CUL9: variants seen among roughly 807,000 people sequenced by gnomAD.
The protein encoded by CUL9 is cullin 9.
In CUL9, 79 loss-of-function variants were observed where a neutral mutation model predicts 272.6. The ratio of observed to expected loss-of-function variants is 0.29; its 90% CI spans 0.24 to 0.35. The LOEUF is 0.35. Ranked by LOEUF, CUL9 falls within the 10% of genes least tolerant of loss-of-function variation. The pLI, the probability that CUL9 is intolerant of heterozygous loss-of-function variation, is 1.00. For synonymous variants in CUL9, 1,186 were observed against 1,286.5 expected (o/e 0.92, Z 1.67); for missense variants, 2,532 against 3,255.6 (o/e 0.78, Z 5.41).
Position 43,199,276 on chromosome 6 carries a change from C to T in CUL9, c.3061C>T (p.Arg1021Ter). The stretch of plus-strand genomic sequence containing the variant: ...CTACCCCCTCACCAGGGTCATAACC[C>T]GACTGCTGGATTTCCCTGAGGCAAT... ...LLLSVLRVIT[R>*]LLDFPEAMVL... Residue 1021 changes from arginine (R) to a stop codon, truncating the protein, a stop_gained, in exon 13 of 41, where the codon CGA becomes TGA. Transcript: ENST00000252050. LOFTEE classifies it high-confidence loss of function. This position sits in a 1 kb window ranked among gnomAD's most constrained non-coding sequence, Gnocchi z 4.4. The T allele has an allele frequency of 6.2e-7, 1 of 1,613,128 alleles. No individual in the cohort carries two copies. The highest frequency in any genetic ancestry group is 8.5e-7 in the Non-Finnish European group (1 of 1,179,402).
chr6:43,201,053 A>C (rs1191369653), intron 16 of CUL9, among the ~76,000 whole-genome samples: 1 of 152,226 alleles, frequency 6.6e-6, no homozygotes, highest in African/African-American at 2.4e-5. Context: ...TACAGATGGC[A>C]CTGCCCTGTG....
At chr6:43,222,955 C>T (rs1374622391) in intron 38 of CUL9, 59 bp downstream of exon 38, 11 of 1,436,858 alleles carry the variant, frequency 7.7e-6, no homozygotes, top group East Asian at 6.8e-5. Flanking sequence ...TTGCACAGCC[C>T]GGCCCCTCCC....
Position 43,206,574 on chromosome 6 carries a change from G to A in CUL9, c.5212+64G>A. ...GATTCGGGGTGGCAAGAGAGGAAGA[G>A]GAGAGGACCTTTGGACAGGATATAG... On this transcript the variant is annotated intron_variant, in intron 26 of 40. Transcript: ENST00000252050. The surrounding 1 kb of genome is among the most constrained non-coding windows in gnomAD (Gnocchi z 4.8). 1 of 1,493,590 alleles carries A rather than the reference G, an allele frequency of 6.7e-7. No individual in the cohort carries two copies. The highest frequency in any genetic ancestry group is 2.3e-5 in the East Asian group (1 of 44,224). The allele number at this position is 1,493,590 out of a possible 1,614,324, so 92.5% of individuals were successfully genotyped here.
rs1325006948 is a variant in CUL9 at position 43,199,896 on chromosome 6, C to G, written c.3157-33C>G. On this transcript the variant is annotated intron_variant, in intron 13 of 40. Coordinates refer to ENST00000252050, the MANE Select transcript of CUL9 (RefSeq NM_015089.4). The surrounding 1 kb of genome is among the most constrained non-coding windows in gnomAD (Gnocchi z 4.4). ...TCCTTACATGTCCTACCTCTTGTTT[C>G]CTGTAAATTAATCTATGTGGCTCTG... The G allele has an allele frequency of 6.5e-7, 1 of 1,545,000 alleles. No homozygotes were observed. The highest frequency in any genetic ancestry group is 2.3e-5 in the East Asian group (1 of 44,372).
rs751355184 is a variant in CUL9, at chr6:43,193,089, C to G, written c.2269C>G (p.Leu757Val). ...VVVQALRLLY[L>V]LMTKHEWRPL... ...CGTGCAGGCCCTGCGCCTCCTTTACCTGCTCATGACCAAGCACGAGTGGCG... is the reference window on the plus strand; with the variant it reads ...CGTGCAGGCCCTGCGCCTCCTTTACGTGCTCATGACCAAGCACGAGTGGCG... The change falls in exon 9 of 41, where the codon CTG becomes GTG. Residue 757 changes from leucine (L) to valine (V), a missense_variant. Leu to Val is a conservative substitution (Grantham distance 32). Around this residue, in one of 3 missense-constraint regions of CUL9, gnomAD observed 2,218 missense variants for 2,788.6 expected, o/e 0.80. Transcript: ENST00000252050. The G allele has an allele frequency of 1.9e-6, 3 of 1,614,214 alleles. No homozygotes were observed. Among genetic ancestry groups the G allele is most frequent in the African/African-American group, 1.3e-5 (1 of 75,052 alleles).
intron 7 of CUL9, 155 bp downstream of exon 7, chr6:43,188,273 C>A: frequency 2.1e-6 from 2 of 942,102 alleles, no homozygotes; most frequent in Non-Finnish European, 1.5e-6. Context: ...TCCTTTTGAC[C>A]TTGATTGTAT....
intron 1 of CUL9, among the ~76,000 whole-genome samples, chr6:43,183,462 C>CT (rs1227796950): frequency 5.3e-5 from 8 of 152,170 alleles, no homozygotes; most frequent in Non-Finnish European, 2.9e-5. Context: ...CAGCTTTACT[C>CT]TGTCATTTAT....
At chr6:43,185,902 G>C in intron 3 of CUL9, 53 bp from the exon 4 acceptor site, 3 of 1,537,022 alleles carry the variant, frequency 2.0e-6, no homozygotes, top group Non-Finnish European at 2.6e-6. Context: ...CAGGGAAGGG[G>C]AGAGGCTAAA....
Position 43,213,500 on chromosome 6 carries a change from A to G in CUL9, c.5421A>G (p.Ala1807=). Residue 1807 remains alanine (A), a synonymous_variant, in exon 28 of 41, where the codon GCA becomes GCG. Coordinates refer to ENST00000252050, the MANE Select transcript of CUL9 (RefSeq NM_015089.4). The surrounding 1 kb of genome is among the most constrained non-coding windows in gnomAD (Gnocchi z 5.7). ...TCTCCCCAGAGCTGCTGCTCCAGGC[A>G]CTCGTGCCCCTCACCTCAGGGAATG... ...SDLSPELLLQ[A]LVPLTSGNGP... 1 of 1,611,660 alleles carries G rather than the reference A, an allele frequency of 6.2e-7. No individual in the cohort carries two copies. The highest frequency in any genetic ancestry group is 1.1e-5 in the South Asian group (1 of 90,966).
At chr6:43,210,226 C>T (rs1200245869) in intron 26 of CUL9, among the ~76,000 whole-genome samples, 6 of 152,106 alleles carry the variant, frequency 3.9e-5, no homozygotes, top group Admixed American at 3.9e-4. Context: ...AACTGCCCAC[C>T]TTGGCCTGCC....
rs981998094 is a variant in CUL9, at chr6:43,222,241, G to A, written c.6847-75G>A. The A allele has an allele frequency of 3.3e-6, 4 of 1,218,148 alleles. No individual in the cohort carries two copies. In the African/African-American group the frequency reaches 4.5e-5, roughly 14 times the overall value. The allele number at this position is 1,218,148 out of a possible 1,614,324, so 75.5% of individuals were successfully genotyped here. On this transcript the variant is annotated intron_variant, in intron 35 of 40. Transcript: ENST00000252050. ...GAGGTGTAGAAAGGCCTCCGTGAAT[G>A]TTGGCTTTTCCACTTATTAACTCCC...
At position 43,198,664 on chromosome 6, in the gene CUL9, A is replaced by T. The variant is rs760910116; in HGVS notation, c.2859A>T (p.Arg953=). The T allele has an allele frequency of 5.0e-6, 8 of 1,613,802 alleles. No individual in the cohort carries two copies. The South Asian group carries it at 8.8e-5, about 18-fold the overall frequency. The change falls in exon 12 of 41, where the codon CGA becomes CGT. Residue 953 remains arginine, a synonymous_variant. Coordinates refer to ENST00000252050, the MANE Select transcript of CUL9 (RefSeq NM_015089.4). ...ATGGGTCCCCTGAGCTACTGATTCG[A>T]TCCCTGGTTGGGGGCCCATCTGCAG... is the stretch of plus-strand genomic sequence containing the variant. The part of the protein sequence containing the change: ...GQDGSPELLI[R]SLVGGPSAEL...
At position 43,184,220 on chromosome 6, in the gene CUL9, C is replaced by G. The variant is rs187461074; in HGVS notation, c.-9-82C>G. ...CAGCCTACCGATCACCACCCACCTT[C>G]TCTGTGTCTCAAGATTCCACCCCCT... On this transcript the variant is annotated intron_variant, in intron 1 of 40. Coordinates refer to ENST00000252050, the MANE Select transcript of CUL9 (RefSeq NM_015089.4). This position sits in a 1 kb window ranked among gnomAD's most constrained non-coding sequence, Gnocchi z 4.8. 8.9e-6 allele frequency: 10 copies of G among 1,118,496 alleles called. No individual in the cohort carries two copies. In the Admixed American group the frequency reaches 1.3e-4, roughly 15 times the overall value. 69.3% of individuals were successfully genotyped at this position (1,118,496 alleles called of 1,614,324 possible).
intron 26 of CUL9, among the ~76,000 whole-genome samples, chr6:43,211,932 AT>A (rs1201128936): frequency 1.3e-5 from 2 of 152,180 alleles, no homozygotes; most frequent in Admixed American, 1.3e-4. Context: ...TTTAGTGAGG[AT>A]CCAAACAAGG....
chr6:43,223,537 CATCCCGGCTTTTGGGCCAACCT>C lies in CUL9; in HGVS notation c.7284+141_7284+162del. ...TGAATGGATGTTAGACCTGGGCGCA[CATCCCGGCTTTTGGGCCAACCT>C]GCCTGATGCTGCTGGACCCTATCAC... On this transcript the variant is annotated intron_variant, in intron 39 of 40. Coordinates refer to ENST00000252050, the MANE Select transcript of CUL9 (RefSeq NM_015089.4). The surrounding 1 kb of genome is among the most constrained non-coding windows in gnomAD (Gnocchi z 4.1). The C allele has an allele frequency of 8.1e-7, 1 of 1,233,440 alleles. No individual in the cohort carries two copies. The highest frequency in any genetic ancestry group is 1.1e-6 in the Non-Finnish European group (1 of 905,566). 76.4% of individuals were successfully genotyped at this position (1,233,440 alleles called of 1,614,324 possible).
At chr6:43,188,297 G>T in intron 7 of CUL9, 179 bp downstream of exon 7, 1 of 831,186 alleles carries the variant, frequency 1.2e-6, no homozygotes, top group South Asian at 1.9e-5. Context: ...ATTAACCAGC[G>T]CTCCCTTCCT....
At chr6:43,189,854 C>G (rs1773280451) in intron 8 of CUL9, among the ~76,000 whole-genome samples, 1 of 152,196 alleles carries the variant, frequency 6.6e-6, no homozygotes, top group African/African-American at 2.4e-5. Context: ...TTTAAAAGAT[C>G]TGAAGAATGT....
rs774447386 is a variant in CUL9 at position 43,196,059 on chromosome 6, C to T, written c.2389-10C>T. On this transcript the variant is annotated splice_polypyrimidine_tract_variant and intron_variant, in intron 9 of 40. Transcript: ENST00000252050. ...CCCCTCCTCACTCTGCTTTCACATC[C>T]CCCTCACAGGCACTGAAGATGCTGG... The T allele has an allele frequency of 2.4e-5, 38 of 1,605,656 alleles. No individual in the cohort carries two copies. Among genetic ancestry groups the T allele is most frequent in the Non-Finnish European group, 3.2e-5 (37 of 1,174,098 alleles).
chr6:43,196,980 CAA>C lies in CUL9; in HGVS notation c.2803+119_2803+120del, dbSNP rs1774053841. On this transcript the variant is annotated intron_variant, in intron 11 of 40. Coordinates refer to ENST00000252050, the MANE Select transcript of CUL9 (RefSeq NM_015089.4). ...TCAGGAAATGAGCAAGCATTGTGCTCAAGTTAGGTCTTAAGTAGAACTTCCCG... is the reference window on the plus strand; with the variant it reads ...TCAGGAAATGAGCAAGCATTGTGCTCGTTAGGTCTTAAGTAGAACTTCCCG... 3 of 807,746 alleles carry C rather than the reference CAA, an allele frequency of 3.7e-6. No individual in the cohort carries two copies. In the South Asian group the frequency reaches 5.2e-5, roughly 14 times the overall value. 50.0% of individuals were successfully genotyped at this position (807,746 alleles called of 1,614,324 possible). A position where few individuals can be genotyped will look rare whatever the true frequency, so the allele number is the denominator to read the frequency against.
Sources: gnomAD v4.1 joint callset for allele counts (sites outside exome capture counted in the v4.1 genomes callset) on GRCh38, gnomAD v4.1.1 for gene constraint, gnomAD v4.1.1 regional missense constraint, Gnocchi (gnomAD v3.1) non-coding constraint, MANE v1.5 for transcripts, NCBI Gene and HGNC (gene_info 2026-07-23, HGNC 2026-07-21) for gene names.